The following KIF26B variants were observed in gnomAD, a reference collection of about 807,000 sequenced individuals.
The protein encoded by KIF26B is kinesin family member 26B.
KIF26B carries 63 observed loss-of-function variants against 151.2 expected under a neutral mutation model. That is an observed-to-expected ratio of 0.42 (90% CI 0.34 to 0.51). KIF26B has a LOEUF of 0.51. Among genes scored for constraint, KIF26B ranks in the 20% least tolerant of loss-of-function variants. The pLI is 0.07. For synonymous variants in KIF26B, 1,357 were observed against 1,262.1 expected (o/e 1.08, Z -1.59); for missense variants, 2,813 against 2,913.6 (o/e 0.97, Z 0.79).
intron 3 of KIF26B, among the ~76,000 whole-genome samples, chr1:245,399,643 C>G (rs1673944987): frequency 6.6e-6 from 1 of 152,198 alleles, no homozygotes; most frequent in Admixed American, 6.5e-5. Flanking sequence ...TCAGCACTTT[C>G]ATGCATCTTA....
At chr1:245,596,009 T>C (rs2043333146) in intron 5 of KIF26B, among the ~76,000 whole-genome samples, 1 of 152,184 alleles carries the variant, frequency 6.6e-6, no homozygotes, top group African/African-American at 2.4e-5. Context: ...AGTGGTGATA[T>C]CCCCTTTATC....
chr1:245,290,070 C>G (rs12143721), intron 2 of KIF26B, among the ~76,000 whole-genome samples: 83,476 of 151,920 alleles, frequency 0.55, 23,211 homozygotes, highest in Middle Eastern at 0.65. Flanking sequence ...TATTTATTGT[C>G]TATATCCTCT....
intron 3 of KIF26B, among the ~76,000 whole-genome samples, chr1:245,396,078 G>T (rs1179751451): frequency 3.3e-5 from 5 of 152,266 alleles, no homozygotes; most frequent in African/African-American, 1.2e-4. Context: ...TTGGCAGCAG[G>T]CTTGTGACGT....
chr1:245,341,569 C>A (rs879315354), intron 2 of KIF26B, among the ~76,000 whole-genome samples: 2 of 152,078 alleles, frequency 1.3e-5, no homozygotes, highest in Non-Finnish European at 2.9e-5. Context: ...TGATCCTCCC[C>A]CCTTGGCGTC....
intron 4 of KIF26B, among the ~76,000 whole-genome samples, chr1:245,501,108 C>T (rs144740061): frequency 2.0e-5 from 3 of 152,292 alleles, no homozygotes; most frequent in East Asian, 1.9e-4. Context: ...ATCCCCATTT[C>T]GTGGACAGAA....
intron 2 of KIF26B, among the ~76,000 whole-genome samples, chr1:245,362,266 T>C (rs1371314071): frequency 2.7e-5 from 4 of 149,122 alleles, no homozygotes; most frequent in East Asian, 2.0e-4. Context: ...CGGTGGCTCA[T>C]GCCGGTAATC....
chr1:245,686,024 C>T lies in KIF26B; in HGVS notation c.3041C>T (p.Ala1014Val). 1 of 1,594,522 alleles carries T rather than the reference C, an allele frequency of 6.3e-7. No homozygotes were observed. Reference protein sequence around the residue: ...SHSPVPAAAPAHSPSPASPRS... With the variant: ...SHSPVPAAAPVHSPSPASPRS... ...TCACCTGTGCCCGCCGCGGCACCCG[C>T]CCACAGCCCCAGCCCGGCCTCACCC... The change falls in exon 12 of 15, where the codon GCC (alanine) becomes GTC (valine). Residue 1014 changes from alanine (A) to valine (V), a missense_variant. By Grantham distance (64) the Ala-to-Val change is moderately conservative (BLOSUM62 0). Around this residue, in one of 3 missense-constraint regions of KIF26B, gnomAD observed 2,060 missense variants for 2,088.6 expected, o/e 0.99. Transcript: ENST00000407071. The surrounding 1 kb of genome is among the most constrained non-coding windows in gnomAD (Gnocchi z 5.6).
At chr1:245,162,196 G>A (rs962719653) in intron 2 of KIF26B, among the ~76,000 whole-genome samples, 2 of 152,102 alleles carry the variant, frequency 1.3e-5, no homozygotes, top group African/African-American at 4.8e-5. Context: ...AGGGTTCTTG[G>A]TCATTTTGCA....
intron 2 of KIF26B, among the ~76,000 whole-genome samples, chr1:245,263,480 A>C (rs962971038): frequency 6.6e-6 from 1 of 152,224 alleles, no homozygotes; most frequent in Non-Finnish European, 1.5e-5. Flanking sequence ...GCAGGCATCT[A>C]TCATGAACTG....
At chr1:245,675,764 T>C (rs1056010147) in intron 10 of KIF26B, among the ~76,000 whole-genome samples, 4 of 152,152 alleles carry the variant, frequency 2.6e-5, no homozygotes, top group African/African-American at 9.7e-5. Context: ...GAAGTGGCCT[T>C]GTCTTGGTAA....
At chr1:245,327,289 A>G (rs1321008282) in intron 2 of KIF26B, among the ~76,000 whole-genome samples, 1 of 152,196 alleles carries the variant, frequency 6.6e-6, no homozygotes, top group Non-Finnish European at 1.5e-5. Context: ...CCTATATGAA[A>G]TGAAACAGAT....
intron 2 of KIF26B, among the ~76,000 whole-genome samples, chr1:245,295,223 A>G (rs551161533): frequency 1.3e-5 from 2 of 152,368 alleles, no homozygotes; most frequent in East Asian, 3.9e-4. Flanking sequence ...AAATGTTTAC[A>G]CACACCATTG....
intron 4 of KIF26B, among the ~76,000 whole-genome samples, chr1:245,514,342 C>A (rs909234362): frequency 2.0e-5 from 3 of 152,008 alleles, no homozygotes; most frequent in Non-Finnish European, 4.4e-5. Flanking sequence ...GCCTAGCCAA[C>A]ATGGCAAAAC....
At chr1:245,521,636 G>T (rs908835964) in intron 4 of KIF26B, among the ~76,000 whole-genome samples, 1 of 152,098 alleles carries the variant, frequency 6.6e-6, no homozygotes, top group African/African-American at 2.4e-5. Context: ...ATGCAACAAG[G>T]CTTACTTCTT....
At chr1:245,608,054 G>A (rs113062590) in intron 7 of KIF26B, among the ~76,000 whole-genome samples, 32 of 152,284 alleles carry the variant, frequency 2.1e-4, no homozygotes, top group African/African-American at 7.0e-4. Context: ...CTGAGCAGCC[G>A]CTGTTTGGGA....
intron 2 of KIF26B, among the ~76,000 whole-genome samples, chr1:245,361,104 C>T (rs1672808549): frequency 6.6e-6 from 1 of 152,216 alleles, no homozygotes; most frequent in South Asian, 2.1e-4. Context: ...TCTAATTAAA[C>T]ATCTCCCTTT....
At chr1:245,306,236 G>C (rs1424497119) in intron 2 of KIF26B, among the ~76,000 whole-genome samples, 1 of 152,054 alleles carries the variant, frequency 6.6e-6, no homozygotes, top group Middle Eastern at 3.2e-3. Context: ...AATGAAGTGT[G>C]GTTCATTCAT....
At position 245,270,286 on chromosome 1, in the gene KIF26B, C is replaced by T. The variant is rs1204785072; in HGVS notation, c.466-96548C>T. 2.7e-4 allele frequency among the ~76,000 whole-genome samples: 29 copies of T among 106,612 alleles called. 11 individuals carry two copies. Among genetic ancestry groups the T allele is most frequent in the South Asian group, 6.3e-4 (2 of 3,164 alleles). The allele number at this position is 106,612 out of a possible 152,430, so 69.9% of individuals were successfully genotyped here. The stretch of plus-strand genomic sequence containing the variant: ...TCCTTTCCCTTCCTTTCCTTCTTTC[C>T]TTCCCTTCCCTTCCATCTTCCCTTC... On this transcript the variant is annotated intron_variant, in intron 2 of 14. Coordinates refer to ENST00000407071, the MANE Select transcript of KIF26B (RefSeq NM_018012.4).
chr1:245,652,886 A>G (rs1183738215), intron 10 of KIF26B, among the ~76,000 whole-genome samples: 3 of 152,118 alleles, frequency 2.0e-5, no homozygotes, highest in Non-Finnish European at 2.9e-5. Flanking sequence ...GTTGTGGCGT[A>G]ATGGCACATG....
Sources: gnomAD v4.1 joint callset for allele counts (sites outside exome capture counted in the v4.1 genomes callset) on GRCh38, gnomAD v4.1.1 for gene constraint, gnomAD v4.1.1 regional missense constraint, Gnocchi (gnomAD v3.1) non-coding constraint, MANE v1.5 for transcripts, NCBI Gene and HGNC (gene_info 2026-07-23, HGNC 2026-07-21) for gene names.